Variants in RAB6A observed in about 807,000 individuals in gnomAD.
The protein encoded by RAB6A is RAB6A, member RAS oncogene family.
RAB6A carries 8 observed loss-of-function variants against 32.3 expected under a neutral mutation model. The ratio of observed to expected loss-of-function variants is 0.25; its 90% CI spans 0.15 to 0.45. The LOEUF is 0.45. Ranked by LOEUF, RAB6A falls within the 20% of genes least tolerant of loss-of-function variation. The pLI is 1.00. For synonymous variants in RAB6A, 73 were observed against 82.1 expected (o/e 0.89, Z 0.60); for missense variants, 104 against 249.4 (o/e 0.42, Z 3.93).
intron 6 of RAB6A, among the ~76,000 whole-genome samples, chr11:73,681,405 T>C (rs1590818343): frequency 6.6e-6 from 1 of 152,334 alleles, no homozygotes; most frequent in East Asian, 1.9e-4. Flanking sequence ...CTGAAATACA[T>C]GCATAAAATG....
intron 3 of RAB6A, among the ~76,000 whole-genome samples, chr11:73,720,610 A>T (rs1288813574): frequency 6.6e-6 from 1 of 152,180 alleles, no homozygotes; most frequent in African/African-American, 2.4e-5. Flanking sequence ...TAGCAGGTTT[A>T]ATTTCTTCAT....
intron 1 of RAB6A, among the ~76,000 whole-genome samples, chr11:73,745,461 C>T (rs545415034): frequency 6.6e-6 from 1 of 152,234 alleles, no homozygotes; most frequent in African/African-American, 2.4e-5. Context: ...AATAGAGACA[C>T]AGGCCGGGTG....
rs1303627716 is a variant in RAB6A, at chr11:73,724,234, C to A, written c.130-3335G>T. Among the ~76,000 whole-genome samples the A allele has an allele frequency of 2.6e-5, 4 of 152,290 alleles. No homozygotes were observed. In the South Asian group the frequency reaches 6.2e-4, roughly 24 times the overall value. ...GAAAAAGATATCCCACTGAACACTT[C>A]ATTTTCTCTTCCATGACAAAAACAT... is the stretch of plus-strand genomic sequence containing the variant. On this transcript the variant is annotated intron_variant, in intron 2 of 7. Coordinates refer to ENST00000336083, the MANE Select transcript of RAB6A (RefSeq NM_198896.2).
chr11:73,760,674 A>G lies in RAB6A; in HGVS notation c.-39T>C, dbSNP rs761755468. 57 of 1,585,942 alleles carry G rather than the reference A, an allele frequency of 3.6e-5. No individual in the cohort carries two copies. In the South Asian group the frequency reaches 5.3e-4, roughly 15 times the overall value. On this transcript the variant is annotated 5_prime_UTR_variant, in exon 1 of 8. Coordinates refer to ENST00000336083, the MANE Select transcript of RAB6A (RefSeq NM_198896.2). ...GAGCGGCCGCCGCCTCAGCCTAGAG[A>G]CCTCCCGGACCGATGCTGCTCCAGC...
intron 1 of RAB6A, among the ~76,000 whole-genome samples, chr11:73,745,111 T>G (rs542221496): frequency 1.3e-5 from 2 of 152,288 alleles, no homozygotes; most frequent in East Asian, 1.9e-4. Flanking sequence ...TCTTTTCTTA[T>G]GGGAAAAAAT....
At chr11:73,730,016 C>T (rs925117225) in intron 2 of RAB6A, 1 of 152,410 alleles carries the variant, frequency 6.6e-6, no homozygotes. Flanking sequence ...CATGTGGCCC[C>T]CTCTGGCATG....
rs1415440404 is a variant in RAB6A, at chr11:73,722,341, ATATTTTTT to A, written c.130-1450_130-1443del. 6.2e-3 allele frequency: 55 copies of A among 8,814 alleles called. 1 individual carries two copies. The highest frequency in any genetic ancestry group is 0.016 in the African/African-American group (49 of 3,144). 0.5% of individuals were successfully genotyped at this position (8,814 alleles called of 1,614,324 possible). On this transcript the variant is annotated intron_variant, in intron 2 of 7. Coordinates refer to ENST00000336083, the MANE Select transcript of RAB6A (RefSeq NM_198896.2). Reference sequence around the variant, plus strand: ...TATATATATATATATATATATATATATATTTTTTTTTTTTTTTTTTTTTTTTGAGACAG... The same window carrying A: ...TATATATATATATATATATATATATATTTTTTTTTTTTTTTTTTGAGACAG...
At chr11:73,685,885 C>CAAAAAAAAAAAAAAAAAAAAAAAAA (rs56270679) in intron 6 of RAB6A, among the ~76,000 whole-genome samples, 1 of 103,028 alleles carries the variant, frequency 9.7e-6, no homozygotes, top group Non-Finnish European at 1.8e-5. Flanking sequence ...AACTCCGTCT[C>CAAAAAAAAAAAAAAAAAAAAAAAAA]AAAAAAAAAA....
chr11:73,759,057 AT>A (rs1341425494), intron 1 of RAB6A, among the ~76,000 whole-genome samples: 2 of 152,264 alleles, frequency 1.3e-5, no homozygotes, highest in East Asian at 3.8e-4. Context: ...TTGCAAGAGT[AT>A]TAACCTCTGT....
intron 2 of RAB6A, among the ~76,000 whole-genome samples, chr11:73,724,335 AAGTAAATTTTAT>A (rs1946184511): frequency 6.6e-6 from 1 of 152,214 alleles, no homozygotes; most frequent in African/African-American, 2.4e-5. Flanking sequence ...AACTGACTAA[AAGTAAATTTTAT>A]AGTATATAAG....
At chr11:73,708,931 T>C (rs1034505901) in intron 5 of RAB6A, among the ~76,000 whole-genome samples, 5 of 152,198 alleles carry the variant, frequency 3.3e-5, no homozygotes, top group African/African-American at 1.2e-4. Context: ...AATTCTCCAC[T>C]CCCTAAAAAC....
intron 6 of RAB6A, among the ~76,000 whole-genome samples, chr11:73,691,143 TG>T (rs1424957888): frequency 2.0e-5 from 3 of 152,096 alleles, no homozygotes; most frequent in African/African-American, 7.2e-5. Flanking sequence ...GCCAGGCCAC[TG>T]TTAATGAAGG....
At chr11:73,683,251 C>CTTT (rs34363473) in intron 6 of RAB6A, among the ~76,000 whole-genome samples, 1 of 92,570 alleles carries the variant, frequency 1.1e-5, no homozygotes, top group African/African-American at 3.9e-5. Flanking sequence ...ATAGACCCAT[C>CTTT]TTTTTTTTTT....
chr11:73,732,151 T>C (rs1250441864), intron 1 of RAB6A, among the ~76,000 whole-genome samples: 1 of 152,144 alleles, frequency 6.6e-6, no homozygotes, highest in Non-Finnish European at 1.5e-5. Context: ...AAACCATATC[T>C]GATTATTTTT....
chr11:73,690,996 A>T (rs1156921237), intron 6 of RAB6A, among the ~76,000 whole-genome samples: 1 of 116,970 alleles, frequency 8.5e-6, no homozygotes, highest in Non-Finnish European at 1.7e-5. Flanking sequence ...CAGAAAATTA[A>T]CTCTCCAAAG....
Position 73,731,845 on chromosome 11 carries a change from G to A in RAB6A, c.71-1022C>T, listed in dbSNP as rs558884946. Among the ~76,000 whole-genome samples the A allele has an allele frequency of 2.5e-4, 38 of 149,858 alleles. 1 individual carries two copies. In the South Asian group the frequency reaches 4.9e-3, roughly 19 times the overall value. On this transcript the variant is annotated intron_variant, in intron 1 of 7. Coordinates refer to ENST00000336083, the MANE Select transcript of RAB6A (RefSeq NM_198896.2). ...CAACCTCCGCCTCCCGGGTTCAACCGATTCTCCTGCCTCAGCCTCCCAAAT... is the reference window on the plus strand; with the variant it reads ...CAACCTCCGCCTCCCGGGTTCAACCAATTCTCCTGCCTCAGCCTCCCAAAT...
chr11:73,733,002 A>G (rs1946341902), intron 1 of RAB6A, among the ~76,000 whole-genome samples: 1 of 151,932 alleles, frequency 6.6e-6, no homozygotes, highest in South Asian at 2.1e-4. Flanking sequence ...TAGTAGAGAC[A>G]GGGTTTCACT....
chr11:73,736,984 A>AG (rs1392333701), intron 1 of RAB6A, among the ~76,000 whole-genome samples: 1 of 141,752 alleles, frequency 7.1e-6, no homozygotes, highest in Non-Finnish European at 1.6e-5. Context: ...TCTCAAAAAA[A>AG]AAAAAAAAAA....
chr11:73,723,529 A>G (rs1031995664), intron 2 of RAB6A, among the ~76,000 whole-genome samples: 1 of 151,830 alleles, frequency 6.6e-6, no homozygotes, highest in African/African-American at 2.4e-5. Flanking sequence ...GTTTCACTAT[A>G]TGTTGGCCAG....
Sources: allele counts gnomAD v4.1 joint callset (sites outside exome capture counted in the v4.1 genomes callset), GRCh38; gene constraint gnomAD v4.1.1; transcripts MANE v1.5; gene names NCBI Gene and HGNC (gene_info 2026-07-23, HGNC 2026-07-21).